Variants in TASP1 observed in about 807,000 individuals in gnomAD.
TASP1 encodes the protein threonine aspartase 1.
In TASP1, 16 loss-of-function variants were observed where a neutral mutation model predicts 56.6. The observed-to-expected ratio is 0.28, with a 90% CI of 0.19 to 0.43. The LOEUF (loss-of-function observed/expected upper bound fraction) is 0.43, where lower values mean the gene tolerates loss of function less well. TASP1 is among the 20% of genes least tolerant of loss of function. TASP1 has a pLI of 1.00. For missense variants in TASP1, 393 were observed against 511.6 expected (o/e 0.77, Z 2.24); for synonymous variants, 179 against 184.2 (o/e 0.97, Z 0.23).
intron 11 of TASP1, among the ~76,000 whole-genome samples, chr20:13,472,303 C>G (rs560477734): frequency 2.7e-5 from 4 of 150,934 alleles, no homozygotes; most frequent in African/African-American, 7.4e-5. Flanking sequence ...GAAACTGGAT[C>G]CCCTCTTTAC....
the TASP1 span, chr20:13,168,584 G>A: frequency 6.6e-6 from 1 of 152,164 alleles, no homozygotes; most frequent in Non-Finnish European, 1.5e-5. Flanking sequence ...TAGGGTAAAA[G>A]TCTTAACAGT....
intron 10 of TASP1, among the ~76,000 whole-genome samples, chr20:13,515,462 C>T (rs1406738230): frequency 2.0e-5 from 3 of 149,352 alleles, no homozygotes; most frequent in African/African-American, 7.4e-5. Flanking sequence ...TGGGAGCTTG[C>T]GAAAATGTAG....
chr20:13,516,664 T>TG (rs1481000150), intron 10 of TASP1, among the ~76,000 whole-genome samples: 7 of 151,282 alleles, frequency 4.6e-5, no homozygotes, highest in African/African-American at 1.7e-4. Flanking sequence ...CTTTGTTTTT[T>TG]TTTTTTTTTT....
At chr20:13,471,138 T>C (rs974195894) in intron 11 of TASP1, among the ~76,000 whole-genome samples, 2 of 152,144 alleles carry the variant, frequency 1.3e-5, no homozygotes, top group Non-Finnish European at 2.9e-5. Context: ...AAGGGTTAAA[T>C]AGAAACATAA....
intron 11 of TASP1, among the ~76,000 whole-genome samples, chr20:13,450,510 T>C (rs1345500030): frequency 1.3e-5 from 2 of 152,122 alleles, no homozygotes; most frequent in African/African-American, 4.8e-5. Context: ...TGTCCTTATT[T>C]CAACAATGTT....
chr20:13,116,698 CAGTT>C, the TASP1 span, among the ~76,000 whole-genome samples: 9 of 152,108 alleles, frequency 5.9e-5, no homozygotes, highest in African/African-American at 1.4e-4. Flanking sequence ...AAAAATAAAA[CAGTT>C]AGGGCTAAAA....
chr20:13,140,858 T>C, the TASP1 span, among the ~76,000 whole-genome samples: 1 of 152,312 alleles, frequency 6.6e-6, no homozygotes, highest in South Asian at 2.1e-4. Flanking sequence ...GTTAAATCAC[T>C]TTGTGCGAAT....
the TASP1 span, among the ~76,000 whole-genome samples, chr20:13,328,512 T>C: frequency 1.3e-5 from 2 of 152,144 alleles, no homozygotes; most frequent in African/African-American, 4.8e-5. Context: ...CACACATATG[T>C]TCACTGCAGC....
intron 12 of TASP1, among the ~76,000 whole-genome samples, chr20:13,424,977 C>T (rs147820692): frequency 6.6e-6 from 1 of 152,270 alleles, no homozygotes; most frequent in African/African-American, 2.4e-5. Context: ...CCTGTTCCAA[C>T]ATTGGAGAAT....
At chr20:13,523,359 T>A (rs1396921506) in intron 10 of TASP1, among the ~76,000 whole-genome samples, 1 of 152,138 alleles carries the variant, frequency 6.6e-6, no homozygotes. Flanking sequence ...AATGACCACA[T>A]GGCATTTGTC....
At chr20:13,441,396 T>C (rs1019940449) in intron 11 of TASP1, among the ~76,000 whole-genome samples, 1 of 152,140 alleles carries the variant, frequency 6.6e-6, no homozygotes, top group African/African-American at 2.4e-5. Flanking sequence ...ATCCACCCAA[T>C]AGCAGTAAGT....
At chr20:13,450,845 G>T (rs1365267878) in intron 11 of TASP1, among the ~76,000 whole-genome samples, 1 of 152,072 alleles carries the variant, frequency 6.6e-6, no homozygotes, top group Non-Finnish European at 1.5e-5. Context: ...ACTTGACCCA[G>T]ATTTCAAAAG....
chr20:13,262,033 T>C, the TASP1 span, among the ~76,000 whole-genome samples: 2 of 152,208 alleles, frequency 1.3e-5, no homozygotes, highest in Non-Finnish European at 2.9e-5. Context: ...CTTAGATACT[T>C]GGGCCTTTTA....
intron 11 of TASP1, among the ~76,000 whole-genome samples, chr20:13,446,909 A>G (rs1005326086): frequency 2.0e-5 from 3 of 152,156 alleles, no homozygotes; most frequent in Non-Finnish European, 4.4e-5. Flanking sequence ...CATAGATGTT[A>G]TCACTTCTTT....
chr20:13,256,055 C>T, the TASP1 span, among the ~76,000 whole-genome samples: 19 of 151,870 alleles, frequency 1.3e-4, no homozygotes, highest in Non-Finnish European at 1.9e-4. Flanking sequence ...GCTGGGAGTT[C>T]GAAACCCTGT....
intron 4 of TASP1, among the ~76,000 whole-genome samples, chr20:13,592,793 A>G (rs1194697603): frequency 6.6e-6 from 1 of 152,010 alleles, no homozygotes; most frequent in African/African-American, 2.4e-5. Context: ...TTAAAATGAT[A>G]GGTTAAGTAA....
At chr20:13,484,963 C>G (rs2043271762) in intron 10 of TASP1, among the ~76,000 whole-genome samples, 1 of 151,950 alleles carries the variant, frequency 6.6e-6, no homozygotes, top group Non-Finnish European at 1.5e-5. Context: ...GGGAACATCA[C>G]ACACCAGGGC....
At chr20:13,489,622 T>C (rs2043450832) in intron 10 of TASP1, among the ~76,000 whole-genome samples, 1 of 152,130 alleles carries the variant, frequency 6.6e-6, no homozygotes, top group Admixed American at 6.6e-5. Flanking sequence ...TACTGCTAGG[T>C]AGCCCGACTA....
chr20:13,359,411 C>A, the TASP1 span, among the ~76,000 whole-genome samples: 2 of 151,912 alleles, frequency 1.3e-5, no homozygotes, highest in African/African-American at 2.4e-5. Flanking sequence ...CTTCCCAGAT[C>A]TTCTCGGCTT....
Sources: gnomAD v4.1 joint callset for allele counts (sites outside exome capture counted in the v4.1 genomes callset) on GRCh38, gnomAD v4.1.1 for gene constraint, MANE v1.5 for transcripts, NCBI Gene and HGNC (gene_info 2026-07-23, HGNC 2026-07-21) for gene names.